Variants in DACH1 observed in about 807,000 individuals in gnomAD.
DACH1 encodes dachshund homolog 1.
Under a neutral mutation model 54.2 loss-of-function variants are expected in DACH1, and 12 were observed. That is an observed-to-expected ratio of 0.22 (90% CI 0.14 to 0.36). DACH1 has a LOEUF of 0.36. DACH1 is among the 10% of genes least tolerant of loss of function. DACH1 has a pLI of 1.00. For synonymous variants in DACH1, 386 were observed against 366.2 expected, an observed-to-expected ratio of 1.05 and a Z score of -0.62; for missense variants, 805 against 929.8, an observed-to-expected ratio of 0.87 and a Z score of 1.75.
intron 6 of DACH1, among the ~76,000 whole-genome samples, chr13:71,499,132 C>CAT (rs200229201): frequency 8.7e-5 from 4 of 46,160 alleles, no homozygotes; most frequent in South Asian, 2.2e-3. Flanking sequence ...CACACACACA[C>CAT]GCAGACACAC....
intron 1 of DACH1, among the ~76,000 whole-genome samples, chr13:71,839,374 A>G (rs1055494700): frequency 1.1e-4 from 16 of 152,148 alleles, no homozygotes; most frequent in African/African-American, 3.4e-4. Context: ...TTGGGAGGCC[A>G]AGGCGGGTGG....
intron 6 of DACH1, among the ~76,000 whole-genome samples, chr13:71,505,982 T>G (rs1307688291): frequency 6.6e-6 from 1 of 152,106 alleles, no homozygotes; most frequent in Non-Finnish European, 1.5e-5. Flanking sequence ...ACATGCAGAT[T>G]TTGTTCCTTC....
chr13:71,609,114 A>G (rs1875109713), intron 3 of DACH1, among the ~76,000 whole-genome samples: 1 of 152,104 alleles, frequency 6.6e-6, no homozygotes, highest in South Asian at 2.1e-4. Context: ...AACATCAACA[A>G]TAGTATAAAA....
rs539821599 is a variant in DACH1, at chr13:71,791,537, T to A, written c.848+74385A>T. On this transcript the variant is annotated intron_variant, in intron 1 of 10. Coordinates refer to ENST00000613252, the MANE Select transcript of DACH1 (RefSeq NM_080759.6). Reference sequence around the variant, plus strand: ...CTGGGCTTACAGGCACATACCACCATGCCCAGCTAATTTTTTGTGTATTTT... The same window carrying A: ...CTGGGCTTACAGGCACATACCACCAAGCCCAGCTAATTTTTTGTGTATTTT... Among the ~76,000 whole-genome samples the A allele has an allele frequency of 8.5e-5, 13 of 152,212 alleles. 1 individual carries two copies. The South Asian group carries it at 2.7e-3, about 32-fold the overall frequency.
intron 1 of DACH1, among the ~76,000 whole-genome samples, chr13:71,691,948 T>C (rs1275827445): frequency 6.6e-6 from 1 of 151,406 alleles, no homozygotes; most frequent in African/African-American, 2.4e-5. Context: ...CAGGAGTTTG[T>C]CAACTGAAGG....
rs1379548098 is a variant in DACH1 at position 71,479,156 on chromosome 13, A to C, written c.1870+13T>G. The C allele has an allele frequency of 3.1e-6, 5 of 1,591,218 alleles. No individual in the cohort carries two copies. The South Asian group carries it at 5.8e-5, about 18-fold the overall frequency. ...TCTGTAAATATTTAACTTATCTGGA[A>C]ATTTGGAAATACCTCTATTCTTTTG... On this transcript the variant is annotated intron_variant, in intron 8 of 10. Transcript: ENST00000613252.
intron 3 of DACH1, among the ~76,000 whole-genome samples, chr13:71,582,855 C>G (rs1378695135): frequency 6.6e-6 from 1 of 152,032 alleles, no homozygotes; most frequent in Non-Finnish European, 1.5e-5. Context: ...ATTTTGGCTG[C>G]TGGCAATGGA....
chr13:71,628,255 C>G (rs1481439319), intron 3 of DACH1, among the ~76,000 whole-genome samples: 1 of 152,008 alleles, frequency 6.6e-6, no homozygotes, highest in Non-Finnish European at 1.5e-5. Flanking sequence ...TTCACCACTG[C>G]TTTGTACCTC....
intron 2 of DACH1, among the ~76,000 whole-genome samples, chr13:71,630,940 A>G (rs1330910226): frequency 1.3e-5 from 2 of 152,148 alleles, no homozygotes; most frequent in Non-Finnish European, 2.9e-5. Context: ...CAGAAACACA[A>G]TTCACAGGTA....
At chr13:71,606,376 G>C (rs913203305) in intron 3 of DACH1, among the ~76,000 whole-genome samples, 1 of 152,024 alleles carries the variant, frequency 6.6e-6, no homozygotes, top group Admixed American at 6.6e-5. Context: ...AATATTAGTA[G>C]ATGTTCATCT....
chr13:71,547,787 TTAGTTC>T (rs1273469693), intron 6 of DACH1, among the ~76,000 whole-genome samples: 1 of 152,136 alleles, frequency 6.6e-6, no homozygotes, highest in African/African-American at 2.4e-5. Context: ...AAACTTCAAA[TTAGTTC>T]TAGTGTCTTT....
chr13:71,737,202 G>A (rs137961152), intron 1 of DACH1, among the ~76,000 whole-genome samples: 9 of 152,114 alleles, frequency 5.9e-5, no homozygotes, highest in Non-Finnish European at 1.3e-4. Context: ...CAACCTGGGC[G>A]ACAGAACAAG....
intron 1 of DACH1, among the ~76,000 whole-genome samples, chr13:71,694,431 C>G (rs965455408): frequency 5.3e-5 from 7 of 131,838 alleles, no homozygotes; most frequent in African/African-American, 2.1e-4. Context: ...ATTTAATAAC[C>G]TGCTTAATTC....
At chr13:71,440,737 G>A in intron 10 of DACH1, 45 bp from the exon 11 acceptor site, 2 of 1,434,766 alleles carry the variant, frequency 1.4e-6, no homozygotes, top group East Asian at 2.4e-5. Context: ...TGGTATTTGG[G>A]GTACAAATGT....
intron 1 of DACH1, among the ~76,000 whole-genome samples, chr13:71,819,481 T>A (rs1888103160): frequency 2.6e-5 from 4 of 152,188 alleles, no homozygotes; most frequent in Non-Finnish European, 5.9e-5. Context: ...TTTTATGTGG[T>A]CCTGGTCTGG....
In DACH1 at chr13:71,572,864, G is replaced by A; in HGVS notation, c.1275C>T (p.Ser425=). The A allele has an allele frequency of 6.2e-7, 1 of 1,613,748 alleles. No individual in the cohort carries two copies. The highest frequency in any genetic ancestry group is 8.5e-7 in the Non-Finnish European group (1 of 1,179,814). The stretch of plus-strand genomic sequence containing the variant: ...CCTTAATAACTGATGTCTCAACTCT[G>A]GATGGGGGACTCTGAACTTGTGCTG... ...AAAAQVQSPP[S]RVETSVIKER... Residue 425 remains serine (S), a synonymous_variant, in exon 4 of 11, where the codon TCC becomes TCT. Coordinates refer to ENST00000613252, the MANE Select transcript of DACH1 (RefSeq NM_080759.6).
chr13:71,835,910 T>C (rs1283422627), intron 1 of DACH1, among the ~76,000 whole-genome samples: 1 of 152,042 alleles, frequency 6.6e-6, no homozygotes. Context: ...GATCTGGAAA[T>C]TTTCTATTGT....
chr13:71,752,266 AATAC>A (rs1221744134), intron 1 of DACH1, among the ~76,000 whole-genome samples: 1 of 152,174 alleles, frequency 6.6e-6, no homozygotes, highest in African/African-American at 2.4e-5. Context: ...TCGTACATTA[AATAC>A]ATCATATATT....
intron 1 of DACH1, among the ~76,000 whole-genome samples, chr13:71,760,485 T>C (rs1489211324): frequency 6.6e-6 from 1 of 152,204 alleles, no homozygotes; most frequent in Non-Finnish European, 1.5e-5. Flanking sequence ...TCAGCCTCAC[T>C]CAATTATCAC....
Sources: gnomAD v4.1 joint callset for allele counts (sites outside exome capture counted in the v4.1 genomes callset) on GRCh38, gnomAD v4.1.1 for gene constraint, MANE v1.5 for transcripts, NCBI Gene and HGNC (gene_info 2026-07-23, HGNC 2026-07-21) for gene names.